The following GNL3L variants were observed in gnomAD, a reference collection of about 807,000 sequenced individuals.
GNL3L encodes the protein guanine nucleotide-binding protein-like 3-like protein.
In GNL3L, 4 loss-of-function variants were observed where a neutral mutation model predicts 42.9. That is an observed-to-expected ratio of 0.09 (90% CI 0.05 to 0.21). GNL3L has a LOEUF of 0.21. GNL3L is among the 10% of genes least tolerant of loss of function. GNL3L has a pLI of 1.00. For missense variants in GNL3L, 412 were observed against 481.7 expected, an observed-to-expected ratio of 0.86 and a Z score of 1.36; for synonymous variants, 159 against 176.3, an observed-to-expected ratio of 0.90 and a Z score of 0.78.
At chrX:54,596,791 C>G (rs1027593473) in intron 16 of GNL3L, among the ~76,000 whole-genome samples, 3 of 112,069 alleles carry the variant, frequency 2.7e-5, no homozygotes, top group Non-Finnish European at 3.8e-5. Flanking sequence ...ACTCTTCCCT[C>G]TCCTTTCCAA....
In GNL3L at chrX:54,566,664, C is replaced by A. The variant is rs985103840; in HGVS notation, c.*6062C>A. Among the ~76,000 whole-genome samples the A allele has an allele frequency of 8.9e-6, 1 of 112,452 alleles. No homozygotes were observed. Among genetic ancestry groups the A allele is most frequent in the African/African-American group, 3.2e-5 (1 of 30,982 alleles). On this transcript the variant is annotated 3_prime_UTR_variant, in exon 16 of 16. Transcript: ENST00000360845. The stretch of plus-strand genomic sequence containing the variant: ...TTTCTTTTTAATGCTGAGTATTATT[C>A]TATTGTGTGTATATACCACATTTTA...
chrX:54,532,401 A>G, intron 1 of GNL3L, 119 bp from the exon 2 acceptor site: 1 of 471,733 alleles, frequency 2.1e-6, no homozygotes, highest in Non-Finnish European at 3.7e-6. Flanking sequence ...CAGTTTTCCT[A>G]ATTATTACGC....
In GNL3L at chrX:54,560,547, C is replaced by T; in HGVS notation, c.1694C>T (p.Ser565Phe). ...ADKIASKLSD[S>F]MMSALDLSGN... ...AAAATCGCCAGCAAGCTGTCTGATTCCATGATGTCTGCTCTCGACCTCTCT... is the reference window on the plus strand; with the variant it reads ...AAAATCGCCAGCAAGCTGTCTGATTTCATGATGTCTGCTCTCGACCTCTCT... The change falls in exon 16 of 16, where the codon TCC becomes TTC. Residue 565 changes from serine to phenylalanine, a missense_variant. Physicochemically the swap from Ser to Phe is radical, Grantham distance 155 (BLOSUM62 -2). Transcript: ENST00000360845. 2 of 1,178,077 alleles carry T rather than the reference C, an allele frequency of 1.7e-6. No individual in the cohort carries two copies. Among genetic ancestry groups the T allele is most frequent in the South Asian group, 3.6e-5 (2 of 56,175 alleles).
At chrX:54,536,649 G>T (rs192762753) in intron 2 of GNL3L, among the ~76,000 whole-genome samples, 1,212 of 109,326 alleles carry the variant, frequency 0.011, 16 homozygotes, top group African/African-American at 0.039. Flanking sequence ...GCCAGGCACA[G>T]TGGTGCACGC....
chrX:54,533,393 A>C (rs959175502), intron 2 of GNL3L, among the ~76,000 whole-genome samples: 1 of 109,984 alleles, frequency 9.1e-6, no homozygotes, highest in Admixed American at 9.8e-5. Context: ...GAATAAAACA[A>C]AACAAAAAAA....
At chrX:54,593,522 G>A (rs989920115) in intron 16 of GNL3L, among the ~76,000 whole-genome samples, 8 of 108,718 alleles carry the variant, frequency 7.4e-5, no homozygotes, top group African/African-American at 2.7e-4. Context: ...TTTTAGACTA[G>A]CTAAAGGTTT....
chrX:54,551,906 G>A lies in GNL3L; in HGVS notation c.1113G>A (p.Gly371=), dbSNP rs1349190589. The change falls in exon 12 of 16, where the codon GGG becomes GGA. Residue 371 remains glycine (G), a synonymous_variant. Coordinates refer to ENST00000360845, the MANE Select transcript of GNL3L (RefSeq NM_001184819.2). The part of the protein sequence containing the change: ...HFLTAVAHRL[G]KKKKGGLYSQ... ...TGACGGCAGTGGCCCACCGTTTGGG[G>A]AAGAAGAAGAAGGGAGGCTTATATA... 1.7e-6 allele frequency: 2 copies of A among 1,207,333 alleles called. No homozygotes were observed. The highest frequency in any genetic ancestry group is 3.0e-5 in the East Asian group (1 of 33,813).
intron 5 of GNL3L, among the ~76,000 whole-genome samples, chrX:54,541,953 T>C (rs150857526): frequency 3.6e-3 from 403 of 110,459 alleles, no homozygotes; most frequent in African/African-American, 0.012. Context: ...ATGTGCACAC[T>C]CAGGTCTCCA....
intron 8 of GNL3L, among the ~76,000 whole-genome samples, chrX:54,547,611 A>G (rs978219901): frequency 9.0e-6 from 1 of 111,374 alleles, no homozygotes; most frequent in African/African-American, 3.3e-5. Flanking sequence ...ATGTTGAGGC[A>G]TGAGAATCGT....
intron 16 of GNL3L, among the ~76,000 whole-genome samples, chrX:54,579,926 C>T (rs1325982834): frequency 1.8e-5 from 2 of 108,691 alleles, no homozygotes; most frequent in Admixed American, 9.8e-5. Flanking sequence ...GATCCACCAG[C>T]CTCGGCCTCC....
chrX:54,581,577 C>T (rs889300479), intron 16 of GNL3L, among the ~76,000 whole-genome samples: 2 of 112,142 alleles, frequency 1.8e-5, no homozygotes, highest in African/African-American at 3.2e-5. Context: ...GCTGTCATTA[C>T]GCCCTCTTTA....
chrX:54,595,990 C>T (rs745876757), intron 16 of GNL3L, among the ~76,000 whole-genome samples: 5 of 111,737 alleles, frequency 4.5e-5, no homozygotes, highest in Admixed American at 9.5e-5. Flanking sequence ...ATTCTCTGTC[C>T]GAGGGGTCTG....
At chrX:54,592,806 C>T (rs1224430716) in intron 16 of GNL3L, among the ~76,000 whole-genome samples, 1 of 108,308 alleles carries the variant, frequency 9.2e-6, no homozygotes, top group African/African-American at 3.4e-5. Flanking sequence ...CACAGTGAAA[C>T]CCTGTCTCAA....
At chrX:54,579,496 C>T (rs1176020681) in intron 16 of GNL3L, among the ~76,000 whole-genome samples, 1 of 111,908 alleles carries the variant, frequency 8.9e-6, no homozygotes, top group Non-Finnish European at 1.9e-5. Flanking sequence ...CCATCCTCCT[C>T]CCTCAGCCTC....
At chrX:54,627,763 CAA>C in the GNL3L span, among the ~76,000 whole-genome samples, 1 of 111,917 alleles carries the variant, frequency 8.9e-6, no homozygotes, top group African/African-American at 3.2e-5. Flanking sequence ...TTCATTAACT[CAA>C]TGATTGTTTA....
chrX:54,620,068 C>T (rs960974885), intron 16 of GNL3L, among the ~76,000 whole-genome samples: 1 of 111,181 alleles, frequency 9.0e-6, no homozygotes, highest in Non-Finnish European at 1.9e-5. Context: ...GTGTAATAAT[C>T]ACATCATGGA....
At chrX:54,614,690 T>C (rs1241039627) in intron 16 of GNL3L, among the ~76,000 whole-genome samples, 1 of 111,580 alleles carries the variant, frequency 9.0e-6, no homozygotes, top group Non-Finnish European at 1.9e-5. Flanking sequence ...GAACTTCAGC[T>C]TCTCCAATGG....
the GNL3L span, among the ~76,000 whole-genome samples, chrX:54,628,422 G>A: frequency 9.0e-6 from 1 of 110,626 alleles, no homozygotes; most frequent in Admixed American, 9.7e-5. Context: ...TAGTTCTTTA[G>A]GGAATCTTGA....
chrX:54,572,011 A>G (rs190516380), downstream of GNL3L, among the ~76,000 whole-genome samples: 20 of 101,867 alleles, frequency 2.0e-4, 1 homozygote, highest in African/African-American at 7.3e-4. Context: ...ATTTTTATTT[A>G]TTTATTTTTT....
Sources: gnomAD v4.1 joint callset for allele counts (sites outside exome capture counted in the v4.1 genomes callset) on GRCh38, gnomAD v4.1.1 for gene constraint, MANE v1.5 for transcripts, NCBI Gene and HGNC (gene_info 2026-07-23, HGNC 2026-07-21) for gene names.